Variants in BNC2 observed in about 807,000 individuals in gnomAD.
BNC2 encodes basonuclin zinc finger protein 2.
Under a neutral mutation model 76.3 loss-of-function variants are expected in BNC2, and 20 were observed. The observed-to-expected ratio is 0.26, with a 90% CI of 0.18 to 0.38. The LOEUF is 0.38. BNC2 is among the 10% of genes least tolerant of loss of function. BNC2 has a pLI of 1.00. For missense variants in BNC2, 1,382 were observed against 1,399.8 expected, an observed-to-expected ratio of 0.99 and a Z score of 0.20; for synonymous variants, 582 against 514.8, an observed-to-expected ratio of 1.13 and a Z score of -1.77.
rs574169388 is a variant in BNC2 at position 16,451,165 on chromosome 9, A to G, written c.670-13641T>C. On this transcript the variant is annotated intron_variant, in intron 5 of 6. Coordinates refer to ENST00000380672, the MANE Select transcript of BNC2 (RefSeq NM_017637.6). ...TAATGTGTGTTTAGGGGAGACAATT[A>G]AGAGAGATAAACTCATGGTGCCACC... is the stretch of plus-strand genomic sequence containing the variant. Among the ~76,000 whole-genome samples the G allele has an allele frequency of 6.3e-4, 96 of 152,298 alleles. 1 individual carries two copies. The highest frequency in any genetic ancestry group is 6.8e-3 in the Middle Eastern group (2 of 294).
intron 5 of BNC2, among the ~76,000 whole-genome samples, chr9:16,477,558 T>G (rs1821952957): frequency 6.6e-6 from 1 of 152,232 alleles, no homozygotes; most frequent in Non-Finnish European, 1.5e-5. Context: ...GACTTTAAAT[T>G]TTTAGCTATT....
chr9:16,552,447 C>T (rs1818692627), intron 5 of BNC2, 83 bp downstream of exon 5: 5 of 1,146,428 alleles, frequency 4.4e-6, no homozygotes, highest in African/African-American at 1.5e-5. Context: ...TGCAGCCCTT[C>T]CTGCGAGGTT....
chr9:16,845,447 C>T (rs1031070234), intron 1 of BNC2, among the ~76,000 whole-genome samples: 14 of 152,242 alleles, frequency 9.2e-5, no homozygotes, highest in South Asian at 4.1e-4. Flanking sequence ...ATTGGCCGGG[C>T]GCGGTGGCTC....
At chr9:16,798,401 C>T (rs990819279) in intron 1 of BNC2, among the ~76,000 whole-genome samples, 18 of 152,034 alleles carry the variant, frequency 1.2e-4, no homozygotes, top group African/African-American at 4.4e-4. Flanking sequence ...TATGGATTTA[C>T]AAAAGATTTT....
intron 5 of BNC2, among the ~76,000 whole-genome samples, chr9:16,483,819 ACC>A (rs1247584058): frequency 6.6e-6 from 1 of 152,186 alleles, no homozygotes; most frequent in Non-Finnish European, 1.5e-5. Context: ...CTTGAGAGCC[ACC>A]CATGGAAGAT....
chr9:16,508,518 A>G (rs1017103722), intron 5 of BNC2, among the ~76,000 whole-genome samples: 2 of 152,234 alleles, frequency 1.3e-5, no homozygotes, highest in Non-Finnish European at 2.9e-5. Flanking sequence ...TATTTCTGGC[A>G]TGTACATGTT....
In BNC2 at chr9:16,821,955, C is replaced by T. The variant is rs1378545179; in HGVS notation, c.3+48691G>A. ...AAAAATACAAAAAGTTAGCCAGGTG[C>T]GGTGGCGGGCGCCTGGAGTCCCAGC... On this transcript the variant is annotated intron_variant, in intron 1 of 6. Transcript: ENST00000380672. Among the ~76,000 whole-genome samples the T allele has an allele frequency of 2.6e-5, 4 of 151,630 alleles. No homozygotes were observed. The South Asian group carries it at 8.4e-4, about 32-fold the overall frequency.
At chr9:16,421,123 G>A in intron 6 of BNC2, 1 of 315,430 alleles carries the variant, frequency 3.2e-6, no homozygotes, top group Admixed American at 4.7e-5. Context: ...AGAGATGGTT[G>A]AGAGGTATGT....
At chr9:16,802,045 T>C (rs1039573007) in intron 1 of BNC2, among the ~76,000 whole-genome samples, 6 of 152,232 alleles carry the variant, frequency 3.9e-5, no homozygotes, top group African/African-American at 1.4e-4. Context: ...ACACGCCTGC[T>C]TCGTATCCAA....
At chr9:16,559,633 C>G (rs1421208357) in intron 4 of BNC2, among the ~76,000 whole-genome samples, 1 of 152,172 alleles carries the variant, frequency 6.6e-6, no homozygotes, top group African/African-American at 2.4e-5. Flanking sequence ...GCTACTTGCC[C>G]ATCACTCTGC....
chr9:16,510,576 A>T (rs1213597567), intron 5 of BNC2, among the ~76,000 whole-genome samples: 1 of 152,246 alleles, frequency 6.6e-6, no homozygotes, highest in African/African-American at 2.4e-5. Flanking sequence ...AGCTCTTCAA[A>T]TACAAGACCT....
At chr9:16,800,288 AAC>A (rs2135743826) in intron 1 of BNC2, among the ~76,000 whole-genome samples, 1 of 152,118 alleles carries the variant, frequency 6.6e-6, no homozygotes, top group South Asian at 2.1e-4. Flanking sequence ...TGGATGGAAA[AAC>A]AGTCTTATTT....
chr9:16,418,722 G>T lies in BNC2; in HGVS notation c.*267C>A. On this transcript the variant is annotated 3_prime_UTR_variant, in exon 7 of 7. Coordinates refer to ENST00000380672, the MANE Select transcript of BNC2 (RefSeq NM_017637.6). ...CATGTGTGTGTGTGTGTGTTTAAAG[G>T]GGTACTCTGTTTTCACCCTGAAATC... 3 of 455,660 alleles carry T rather than the reference G, an allele frequency of 6.6e-6. No individual in the cohort carries two copies. Among genetic ancestry groups the T allele is most frequent in the Non-Finnish European group, 1.2e-5 (3 of 249,868 alleles). The allele number at this position is 455,660 out of a possible 1,614,324, so 28.2% of individuals were successfully genotyped here.
chr9:16,712,196 T>C (rs1369346803), intron 3 of BNC2, among the ~76,000 whole-genome samples: 1 of 152,216 alleles, frequency 6.6e-6, no homozygotes, highest in Non-Finnish European at 1.5e-5. Flanking sequence ...CCGCTTCAAG[T>C]AGCATGATCA....
intron 1 of BNC2, among the ~76,000 whole-genome samples, chr9:16,796,651 GAAAA>G (rs10710681): frequency 1.4e-5 from 2 of 145,586 alleles, no homozygotes; most frequent in African/African-American, 5.0e-5. Context: ...AAAGGAAAGA[GAAAA>G]AAAAAGAAAG....
rs1563892048 is a variant in BNC2, at chr9:16,673,442, A to AC, written c.330+54354_330+54355insG. Among the ~76,000 whole-genome samples, 74 of 149,306 alleles carry AC rather than the reference A, an allele frequency of 5.0e-4. 1 individual carries two copies. The highest frequency in any genetic ancestry group is 6.6e-4 in the South Asian group (3 of 4,530). On this transcript the variant is annotated intron_variant, in intron 3 of 6. Coordinates refer to ENST00000380672, the MANE Select transcript of BNC2 (RefSeq NM_017637.6). ...ACATTCTGAGATTTAAAAAAAAAAA[A>AC]AACACACACACACACACACACATAC...
intron 1 of BNC2, among the ~76,000 whole-genome samples, chr9:16,751,836 C>A (rs1017029425): frequency 3.3e-5 from 5 of 151,924 alleles, no homozygotes; most frequent in African/African-American, 4.8e-5. Flanking sequence ...TCAAGACCAG[C>A]CTGGCCAACA....
chr9:16,554,498 T>G (rs547301663), intron 4 of BNC2, among the ~76,000 whole-genome samples: 1 of 152,322 alleles, frequency 6.6e-6, no homozygotes, highest in Admixed American at 6.5e-5. Context: ...TTGTCTGATC[T>G]TCCCTATTCT....
At chr9:16,521,211 A>C (rs772541651) in intron 5 of BNC2, among the ~76,000 whole-genome samples, 1 of 152,244 alleles carries the variant, frequency 6.6e-6, no homozygotes, top group African/African-American at 2.4e-5. Context: ...GGAAGAGACC[A>C]GGAAAGGTCT....
Sources: gnomAD v4.1 joint callset for allele counts (sites outside exome capture counted in the v4.1 genomes callset) on GRCh38, gnomAD v4.1.1 for gene constraint, MANE v1.5 for transcripts, NCBI Gene and HGNC (gene_info 2026-07-23, HGNC 2026-07-21) for gene names.